The following OSBPL3 variants were observed in gnomAD, a reference collection of about 807,000 sequenced individuals.
OSBPL3 encodes the protein oxysterol binding protein like 3.
Under a neutral mutation model 120.1 loss-of-function variants are expected in OSBPL3, and 65 were observed. That is an observed-to-expected ratio of 0.54 (90% confidence interval 0.44 to 0.67). OSBPL3 has a LOEUF of 0.67. OSBPL3 is among the 30% of genes least tolerant of loss of function. OSBPL3 has a pLI of 0.00. For missense variants in OSBPL3, 1,004 were observed against 1,082.1 expected, an observed-to-expected ratio of 0.93 and a Z score of 1.01; for synonymous variants, 416 against 402.6, an observed-to-expected ratio of 1.03 and a Z score of -0.40.
intron 2 of OSBPL3, among the ~76,000 whole-genome samples, chr7:24,874,937 T>C (rs1802642863): frequency 6.6e-6 from 1 of 152,196 alleles, no homozygotes; most frequent in Non-Finnish European, 1.5e-5. Context: ...AGGTTGCAAA[T>C]GCTCCCTCGG....
intron 2 of OSBPL3, among the ~76,000 whole-genome samples, chr7:24,885,391 G>C (rs1318988187): frequency 3.3e-5 from 5 of 152,066 alleles, no homozygotes; most frequent in African/African-American, 1.2e-4. Flanking sequence ...CCTGAGCCCA[G>C]CCAGGCTGGG....
In OSBPL3 at chr7:24,804,454, A is replaced by G. The variant is rs891981805; in HGVS notation, c.2445-17T>C. ...TCTAGAAACCTGAGGCATCGAGGAA[A>G]AAAAAATGAAAGGATATGAATTCAA... On this transcript the variant is annotated splice_polypyrimidine_tract_variant and intron_variant, in intron 21 of 22. Coordinates refer to ENST00000313367, the MANE Select transcript of OSBPL3 (RefSeq NM_015550.4). This position sits in a 1 kb window ranked among gnomAD's most constrained non-coding sequence, Gnocchi z 5.4. 4 of 1,609,402 alleles carry G rather than the reference A, an allele frequency of 2.5e-6. No individual in the cohort carries two copies. The highest frequency in any genetic ancestry group is 1.7e-5 in the Admixed American group (1 of 59,550).
rs190594196 is a variant in OSBPL3, at chr7:24,955,318, T to C, written c.-150+24568A>G. On this transcript the variant is annotated intron_variant, in intron 1 of 22. Coordinates refer to ENST00000313367, the MANE Select transcript of OSBPL3 (RefSeq NM_015550.4). This position sits in a 1 kb window ranked among gnomAD's most constrained non-coding sequence, Gnocchi z 4.3. ...CCCATAATGAGTTTGGGGGCTACCATGTCATTTAGCAATTAATCTATTCCA... is the reference window on the plus strand; with the variant it reads ...CCCATAATGAGTTTGGGGGCTACCACGTCATTTAGCAATTAATCTATTCCA... 3.2e-4 allele frequency among the ~76,000 whole-genome samples: 48 copies of C among 152,346 alleles called. No individual in the cohort carries two copies. The East Asian group carries it at 7.9e-3, about 25-fold the overall frequency.
Position 24,831,692 on chromosome 7 carries a change from A to G in OSBPL3, c.1747-787T>C, listed in dbSNP as rs1025127744. ...AGTTAAGCCTAAGCAGGGATGTCCA[A>G]TTTTCCTTTCTAATGTCAGGTAGTA... On this transcript the variant is annotated intron_variant, in intron 15 of 22. Coordinates refer to ENST00000313367, the MANE Select transcript of OSBPL3 (RefSeq NM_015550.4). This position sits in a 1 kb window ranked among gnomAD's most constrained non-coding sequence, Gnocchi z 4.0. Among the ~76,000 whole-genome samples, 4 of 152,122 alleles carry G rather than the reference A, an allele frequency of 2.6e-5. No individual in the cohort carries two copies. Among genetic ancestry groups the G allele is most frequent in the Non-Finnish European group, 2.9e-5 (2 of 68,026 alleles).
At chr7:24,870,254 T>C (rs999922744) in intron 5 of OSBPL3, among the ~76,000 whole-genome samples, 5 of 152,148 alleles carry the variant, frequency 3.3e-5, no homozygotes, top group African/African-American at 1.2e-4. Context: ...GAAGTACTAT[T>C]TGGGAACCCA....
intron 6 of OSBPL3, 96 bp downstream of exon 6, chr7:24,865,973 GA>G: frequency 1.0e-6 from 1 of 956,370 alleles, no homozygotes; most frequent in South Asian, 1.5e-5. Flanking sequence ...GCTTGTCCCC[GA>G]AAACTTTTCC....
chr7:24,974,597 T>G (rs907775733), intron 1 of OSBPL3, among the ~76,000 whole-genome samples: 3 of 152,068 alleles, frequency 2.0e-5, no homozygotes, highest in African/African-American at 7.2e-5. Flanking sequence ...GAAATGCCAG[T>G]CCCGTCAGCT....
chr7:24,921,041 G>C (rs918335852), intron 1 of OSBPL3, among the ~76,000 whole-genome samples: 2 of 152,138 alleles, frequency 1.3e-5, no homozygotes, highest in Non-Finnish European at 2.9e-5. Context: ...AGATCTCTGA[G>C]CATTTATTTA....
chr7:24,979,965 C>T lies in OSBPL3; in HGVS notation c.-229G>A, dbSNP rs1818103170. 18 of 984,012 alleles carry T rather than the reference C, an allele frequency of 1.8e-5. No individual in the cohort carries two copies. In the South Asian group the frequency reaches 8.0e-4, roughly 44 times the overall value. 61.0% of individuals were successfully genotyped at this position (984,012 alleles called of 1,614,324 possible). On this transcript the variant is annotated 5_prime_UTR_variant, in exon 1 of 23. Transcript: ENST00000313367. ...GTTAGCGCACAGAACCGGGAGAAGG[C>T]AACCCCGGCTTCTCCGGTACCCCCG...
Position 24,916,995 on chromosome 7 carries a change from T to A in OSBPL3, c.-149-24374A>T, listed in dbSNP as rs938233140. 6.6e-6 allele frequency among the ~76,000 whole-genome samples: 1 copy of A among 151,136 alleles called. No homozygotes were observed. The highest frequency in any genetic ancestry group is 2.4e-5 in the African/African-American group (1 of 41,166). On this transcript the variant is annotated intron_variant, in intron 1 of 22. Coordinates refer to ENST00000313367, the MANE Select transcript of OSBPL3 (RefSeq NM_015550.4). This position sits in a 1 kb window ranked among gnomAD's most constrained non-coding sequence, Gnocchi z 4.9. ...TAGAAGAAGGAAGGAAGGATGGGTATATGGGTAGAGAGAGGGAAGGAAAAA... is the reference window on the plus strand; with the variant it reads ...TAGAAGAAGGAAGGAAGGATGGGTAAATGGGTAGAGAGAGGGAAGGAAAAA...
chr7:24,885,938 T>C (rs1804467565), intron 2 of OSBPL3, among the ~76,000 whole-genome samples: 1 of 152,170 alleles, frequency 6.6e-6, no homozygotes, highest in Non-Finnish European at 1.5e-5. Flanking sequence ...AGGAAGGAAA[T>C]GTAAGGGGGC....
At position 24,854,760 on chromosome 7, in the gene OSBPL3, T is replaced by A. The variant is rs892367763; in HGVS notation, c.1028-2126A>T. ...TATTAACTCCATGACCTTGGATGAG[T>A]AAATGATGTGCCTGAACCCTGGTTT... On this transcript the variant is annotated intron_variant, in intron 10 of 22. Coordinates refer to ENST00000313367, the MANE Select transcript of OSBPL3 (RefSeq NM_015550.4). This position sits in a 1 kb window ranked among gnomAD's most constrained non-coding sequence, Gnocchi z 4.1. Among the ~76,000 whole-genome samples, 8 of 152,168 alleles carry A rather than the reference T, an allele frequency of 5.3e-5. No homozygotes were observed. Among genetic ancestry groups the A allele is most frequent in the Non-Finnish European group, 4.4e-5 (3 of 68,028 alleles).
chr7:24,872,005 T>C lies in OSBPL3; in HGVS notation c.161A>G (p.Gln54Arg). The change falls in exon 3 of 23, where the codon CAG becomes CGG. Residue 54 changes from glutamine (Q) to arginine (R), a missense_variant. Transcript: ENST00000313367. This position sits in a 1 kb window ranked among gnomAD's most constrained non-coding sequence, Gnocchi z 4.1. ...CCTCTTTTTCAGCAAAAATCCTTTC[T>C]GAACTGGTGGCTCCTGGGTGTAATT... ...EMNYTQEPPV[Q>R]KGFLLKKRKW... 1 of 1,614,014 alleles carries C rather than the reference T, an allele frequency of 6.2e-7. No individual in the cohort carries two copies. The highest frequency in any genetic ancestry group is 8.5e-7 in the Non-Finnish European group (1 of 1,179,942).
rs1329159390 is a variant in OSBPL3, at chr7:24,879,337, G to A, written c.97-7268C>T. ...AGAAGATTAAAGAAAACAGGAGACT[G>A]AGCAATGAAGCTCCCACTTGGGTTC... On this transcript the variant is annotated intron_variant, in intron 2 of 22. Transcript: ENST00000313367. The surrounding 1 kb of genome is among the most constrained non-coding windows in gnomAD (Gnocchi z 5.6). Among the ~76,000 whole-genome samples the A allele has an allele frequency of 6.6e-6, 1 of 152,234 alleles. No individual in the cohort carries two copies. The highest frequency in any genetic ancestry group is 1.5e-5 in the Non-Finnish European group (1 of 68,040).
At chr7:24,897,480 C>T (rs1806344800) in intron 1 of OSBPL3, among the ~76,000 whole-genome samples, 1 of 151,570 alleles carries the variant, frequency 6.6e-6, no homozygotes, top group African/African-American at 2.4e-5. Context: ...CGCCCGCTAC[C>T]ACGCCCGGCT....
rs1796585274 is a variant in OSBPL3, at chr7:24,833,043, A to G, written c.1746+1443T>C. 6.6e-6 allele frequency among the ~76,000 whole-genome samples: 1 copy of G among 152,244 alleles called. No homozygotes were observed. Among genetic ancestry groups the G allele is most frequent in the Non-Finnish European group, 1.5e-5 (1 of 68,042 alleles). ...CAAAGCCAATCATTTCCTTTAAAGA[A>G]AAGAGCTGTCCACAAATGCTGACTT... is the stretch of plus-strand genomic sequence containing the variant. On this transcript the variant is annotated intron_variant, in intron 15 of 22. Coordinates refer to ENST00000313367, the MANE Select transcript of OSBPL3 (RefSeq NM_015550.4). The surrounding 1 kb of genome is among the most constrained non-coding windows in gnomAD (Gnocchi z 4.4).
At chr7:24,826,590 T>C (rs1795737320) in intron 16 of OSBPL3, among the ~76,000 whole-genome samples, 1 of 152,130 alleles carries the variant, frequency 6.6e-6, no homozygotes. Flanking sequence ...GTTCTAGCAT[T>C]TGCTGAGGGG....
In OSBPL3 at chr7:24,849,097, A is replaced by G. The variant is rs1308837090; in HGVS notation, c.1238T>C (p.Val413Ala). ...AESLLLDSPA[V>A]AKSGDNLAEE... The stretch of plus-strand genomic sequence containing the variant: ...TGCCAGATTGTCACCCGACTTGGCG[A>G]CAGCGGGGGAGTCGAGGAGCAGAGA... Residue 413 changes from valine (V) to alanine (A), a missense_variant, in exon 12 of 23, where the codon GTC becomes GCC. Val to Ala is a moderately conservative substitution (Grantham distance 64, BLOSUM62 0). Around this residue, in one of 4 missense-constraint regions of OSBPL3, gnomAD observed 272 missense variants for 248.8 expected, o/e 1.09. Coordinates refer to ENST00000313367, the MANE Select transcript of OSBPL3 (RefSeq NM_015550.4). This position sits in a 1 kb window ranked among gnomAD's most constrained non-coding sequence, Gnocchi z 5.4. The G allele has an allele frequency of 1.9e-6, 3 of 1,613,856 alleles. No homozygotes were observed. Among genetic ancestry groups the G allele is most frequent in the Non-Finnish European group, 2.5e-6 (3 of 1,179,868 alleles).
Position 24,863,845 on chromosome 7 carries a change from T to C in OSBPL3, c.674-246A>G, listed in dbSNP as rs191849168. Among the ~76,000 whole-genome samples the C allele has an allele frequency of 2.6e-5, 4 of 152,228 alleles. No individual in the cohort carries two copies. The highest frequency in any genetic ancestry group is 3.9e-4 in the East Asian group (2 of 5,192). ...TAATGAACTGTAACTATTGAGAAAA[T>C]TGCAAAACTGCATGCCTCAACTTCC... is the stretch of plus-strand genomic sequence containing the variant. On this transcript the variant is annotated intron_variant, in intron 7 of 22. Coordinates refer to ENST00000313367, the MANE Select transcript of OSBPL3 (RefSeq NM_015550.4). The surrounding 1 kb of genome is among the most constrained non-coding windows in gnomAD (Gnocchi z 5.8).
Sources: allele counts gnomAD v4.1 joint callset (sites outside exome capture counted in the v4.1 genomes callset), GRCh38; gene constraint gnomAD v4.1.1; regional missense constraint gnomAD v4.1.1; non-coding constraint Gnocchi (gnomAD v3.1); transcripts MANE v1.5; gene names NCBI Gene and HGNC (gene_info 2026-07-23, HGNC 2026-07-21).